Variants in TCP1 observed in about 807,000 individuals in gnomAD.
TCP1 encodes the protein t-complex 1, also known as T-complex protein 1 subunit alpha.
TCP1 carries 6 observed loss-of-function variants against 54.7 expected under a neutral mutation model. The ratio of observed to expected loss-of-function variants is 0.11; its 90% CI spans 0.06 to 0.22. TCP1 has a LOEUF of 0.22. Ranked by LOEUF, TCP1 falls within the 10% of genes least tolerant of loss-of-function variation. The pLI is 1.00. For missense variants in TCP1, 511 were observed against 678.2 expected (o/e 0.75, Z 2.74); for synonymous variants, 225 against 229.7 (o/e 0.98, Z 0.19).
intron 4 of TCP1, 143 bp from the exon 5 acceptor site, chr6:159,785,639 C>A (rs1224807592): frequency 7.3e-6 from 6 of 820,120 alleles, no homozygotes; most frequent in Non-Finnish European, 1.3e-5. Flanking sequence ...CATGAAAAAA[C>A]CCTCCCTCTT....
rs755569525 is a variant in TCP1, at chr6:159,778,873, A to AT, written c.*171_*172insA. The AT allele has an allele frequency of 5.0e-6, 8 of 1,612,534 alleles. No individual in the cohort carries two copies. Among genetic ancestry groups the AT allele is most frequent in the Non-Finnish European group, 6.8e-6 (8 of 1,178,860 alleles). ...AACCTCAATTTCTTTTTAAACTAAT[A>AT]AAGTACTAGGTTGCAATATGTGAAA... is the stretch of plus-strand genomic sequence containing the variant. On this transcript the variant is annotated 3_prime_UTR_variant, in exon 12 of 12. Transcript: ENST00000321394.
intron 3 of TCP1, 36 bp downstream of exon 3, chr6:159,787,707 T>A (rs749106244): frequency 1.1e-5 from 17 of 1,590,022 alleles, no homozygotes; most frequent in Admixed American, 1.7e-5. Context: ...TCGGTCGTTT[T>A]TAGAAAAATG....
At position 159,785,511 on chromosome 6, in the gene TCP1, G is replaced by A; in HGVS notation, c.378-15C>T. Reference sequence around the variant, plus strand: ...GCACTGCTTCCCTGTTTAAAAGTGTGGGGGAGAAAAACGCTTATAAAGTCA... The same window carrying A: ...GCACTGCTTCCCTGTTTAAAAGTGTAGGGGAGAAAAACGCTTATAAAGTCA... On this transcript the variant is annotated splice_polypyrimidine_tract_variant and intron_variant, in intron 4 of 11. Coordinates refer to ENST00000321394, the MANE Select transcript of TCP1 (RefSeq NM_030752.3). The A allele has an allele frequency of 6.3e-7, 1 of 1,593,356 alleles. No homozygotes were observed. The highest frequency in any genetic ancestry group is 8.6e-7 in the Non-Finnish European group (1 of 1,162,334).
intron 6 of TCP1, among the ~76,000 whole-genome samples, chr6:159,784,383 C>T (rs915663369): frequency 4.6e-4 from 70 of 151,752 alleles, no homozygotes; most frequent in African/African-American, 1.6e-3. Context: ...TGGCTCACTG[C>T]AATCTCCGCC....
chr6:159,780,300 TAC>T (rs1436530186), intron 9 of TCP1, 141 bp downstream of exon 9: 2 of 1,356,264 alleles, frequency 1.5e-6, no homozygotes, highest in South Asian at 1.2e-5. Flanking sequence ...CATCTCAATT[TAC>T]AGTGGCCCAA....
intron 9 of TCP1, 89 bp downstream of exon 9, chr6:159,780,354 A>G: frequency 6.3e-7 from 1 of 1,576,932 alleles, no homozygotes; most frequent in Non-Finnish European, 8.7e-7. Flanking sequence ...TATCACTGTG[A>G]GACTACAAGC....
chr6:159,779,466 T>C, intron 11 of TCP1, 161 bp downstream of exon 11: 1 of 1,081,248 alleles, frequency 9.2e-7, no homozygotes, highest in Non-Finnish European at 1.3e-6. Flanking sequence ...TCATTATCCC[T>C]TGAATTACAG....
rs1236898476 is a variant in TCP1 at position 159,779,655 on chromosome 6, C to T, written c.1426G>A (p.Val476Ile). Reference protein sequence around the residue: ...KLRAFHNEAQVNPERKNLKWI... With the variant: ...KLRAFHNEAQINPERKNLKWI... The stretch of plus-strand genomic sequence containing the variant: ...TTTAGATTTTTACGTTCTGGGTTAA[C>T]CTGGGCCTCATTATGAAAAGCTCTT... Residue 476 changes from valine to isoleucine, a missense_variant, in exon 11 of 12, where the codon GTT becomes ATT. Physicochemically the swap from Val to Ile is conservative, Grantham distance 29. This residue lies in a region of TCP1 where 88 missense variants were observed against 153.1 expected (regional missense o/e 0.57). Coordinates refer to ENST00000321394, the MANE Select transcript of TCP1 (RefSeq NM_030752.3). 1 of 1,611,866 alleles carries T rather than the reference C, an allele frequency of 6.2e-7. No homozygotes were observed. The highest frequency in any genetic ancestry group is 8.5e-7 in the Non-Finnish European group (1 of 1,179,438).
In TCP1 at chr6:159,778,940, CA is replaced by C; in HGVS notation, c.*104del. 1.3e-6 allele frequency: 2 copies of C among 1,560,198 alleles called. No homozygotes were observed. The highest frequency in any genetic ancestry group is 1.2e-5 in the South Asian group (1 of 83,296). Reference sequence around the variant, plus strand: ...CAGATGGAAACCATTTCCTACATCACAAAAACCCAAGTTTACAGCTTGTACT... The same window carrying C: ...CAGATGGAAACCATTTCCTACATCACAAAACCCAAGTTTACAGCTTGTACT... On this transcript the variant is annotated 3_prime_UTR_variant, in exon 12 of 12. Transcript: ENST00000321394.
intron 4 of TCP1, 37 bp downstream of exon 4, chr6:159,785,863 C>T (rs761139493): frequency 1.3e-6 from 2 of 1,533,742 alleles, no homozygotes; most frequent in African/African-American, 1.4e-5. Context: ...ACAACTATTA[C>T]ATCAAAAAAA....
In TCP1 at chr6:159,779,287, C is replaced by T. The variant is rs540567440; in HGVS notation, c.1455-26G>A. 9.6e-5 allele frequency: 153 copies of T among 1,592,908 alleles called. 1 individual carries two copies. In the South Asian group the frequency reaches 1.5e-3, roughly 16 times the overall value. On this transcript the variant is annotated intron_variant, in intron 11 of 11. Transcript: ENST00000321394. Reference sequence around the variant, plus strand: ...CTGCAATTAAGAAAGAATTATTTAACGGCCGCTTACAATTTCATTAGGTGG... The same window carrying T: ...CTGCAATTAAGAAAGAATTATTTAATGGCCGCTTACAATTTCATTAGGTGG...
chr6:159,784,671 G>A lies in TCP1; in HGVS notation c.665C>T (p.Ser222Phe). ...AACCAAATCCCAAACCTTACCCTGG[G>A]ATCCCACCACACAGTTGAGTGCATA... ...SGYALNCVVG[S>F]QGMPKRIVNA... Residue 222 changes from serine (S) to phenylalanine (F), a missense_variant, in exon 6 of 12, where the codon TCC becomes TTC. By Grantham distance (155) the Ser-to-Phe change is radical (BLOSUM62 -2). This residue lies in a region of TCP1 where 305 missense variants were observed against 352.8 expected (regional missense o/e 0.86). Coordinates refer to ENST00000321394, the MANE Select transcript of TCP1 (RefSeq NM_030752.3). 1 of 1,611,746 alleles carries A rather than the reference G, an allele frequency of 6.2e-7. No individual in the cohort carries two copies. The highest frequency in any genetic ancestry group is 8.5e-7 in the Non-Finnish European group (1 of 1,179,000).
intron 7 of TCP1, among the ~76,000 whole-genome samples, chr6:159,781,645 G>A (rs1254477047): frequency 2.6e-5 from 4 of 152,272 alleles, no homozygotes; most frequent in East Asian, 3.9e-4. Flanking sequence ...GGTGGTGGGC[G>A]CCTGTAATCC....
At chr6:159,780,746 T>A (rs1213510321) in intron 8 of TCP1, among the ~76,000 whole-genome samples, 180 bp from the exon 9 acceptor site, 1 of 152,216 alleles carries the variant, frequency 6.6e-6, no homozygotes, top group Non-Finnish European at 1.5e-5. Flanking sequence ...ACAAATTCAG[T>A]TCACAAATTT....
chr6:159,781,401 G>A lies in TCP1; in HGVS notation c.798-291C>T, dbSNP rs527379516. ...GAGAGGGATTACCAATCACACTCCA[G>A]GGCAAGTGTCACTAAAGTGGTATGC... On this transcript the variant is annotated intron_variant, in intron 7 of 11. Coordinates refer to ENST00000321394, the MANE Select transcript of TCP1 (RefSeq NM_030752.3). 5.9e-5 allele frequency among the ~76,000 whole-genome samples: 9 copies of A among 152,294 alleles called. No individual in the cohort carries two copies. In the East Asian group the frequency reaches 1.5e-3, roughly 26 times the overall value.
chr6:159,784,074 T>C lies in TCP1; in HGVS notation c.671-7A>G. 3 of 1,611,852 alleles carry C rather than the reference T, an allele frequency of 1.9e-6. No individual in the cohort carries two copies. Among genetic ancestry groups the C allele is most frequent in the Non-Finnish European group, 2.5e-6 (3 of 1,179,324 alleles). ...ACGATTCTCTTGGGCATGCCTACAA[T>C]TGAACATAAGATTAAGTTAATACGT... On this transcript the variant is annotated splice_region_variant and splice_polypyrimidine_tract_variant and intron_variant, in intron 6 of 11. Transcript: ENST00000321394.
intron 3 of TCP1, among the ~76,000 whole-genome samples, chr6:159,786,531 T>C (rs1324132573): frequency 2.0e-5 from 3 of 152,216 alleles, no homozygotes; most frequent in African/African-American, 4.8e-5. Context: ...TCATATGACC[T>C]ATATTAAGCT....
intron 7 of TCP1, among the ~76,000 whole-genome samples, chr6:159,781,726 C>G (rs887861041): frequency 6.6e-6 from 1 of 152,124 alleles, no homozygotes; most frequent in Non-Finnish European, 1.5e-5. Flanking sequence ...GAGCCGAGAC[C>G]GTGCCACTGC....
At chr6:159,783,903 C>T (rs759992300) in intron 7 of TCP1, 38 bp downstream of exon 7, 4 of 1,546,966 alleles carry the variant, frequency 2.6e-6, no homozygotes, top group Admixed American at 4.5e-5. Flanking sequence ...CTCCAAGACA[C>T]TCACACTTAA....
Sources: gnomAD v4.1 joint callset for allele counts (sites outside exome capture counted in the v4.1 genomes callset) on GRCh38, gnomAD v4.1.1 for gene constraint, gnomAD v4.1.1 regional missense constraint, MANE v1.5 for transcripts, NCBI Gene and HGNC (gene_info 2026-07-23, HGNC 2026-07-21) for gene names.